ALG13: variants seen among roughly 807,000 people sequenced by gnomAD.
ALG13 encodes the protein UDP-N-acetylglucosamine transferase subunit ALG13.
In ALG13, 11 loss-of-function variants were observed where a neutral mutation model predicts 87.8. That is an observed-to-expected ratio of 0.13 (90% confidence interval 0.08 to 0.21). The LOEUF (loss-of-function observed/expected upper bound fraction) is 0.21, where lower values mean the gene tolerates loss of function less well. ALG13 is among the 10% of genes least tolerant of loss of function. The pLI, the probability that ALG13 is intolerant of heterozygous loss-of-function variation, is 1.00. For missense variants in ALG13, 756 were observed against 866.1 expected, an observed-to-expected ratio of 0.87 and a Z score of 1.60; for synonymous variants, 320 against 306.3, an observed-to-expected ratio of 1.04 and a Z score of -0.47.
chrX:111,737,969 A>G (rs776342877), intron 23 of ALG13, among the ~76,000 whole-genome samples: 94 of 112,516 alleles, frequency 8.4e-4, no homozygotes, highest in Non-Finnish European at 1.5e-3. Context: ...GAAAAGAACA[A>G]AAGAAAAGGA....
At chrX:111,690,358 A>G in intron 3 of ALG13, 1 of 752,869 alleles carries the variant, frequency 1.3e-6, no homozygotes, top group Non-Finnish European at 1.6e-6. Flanking sequence ...GGATAGATTA[A>G]GAGGTAGACA....
intron 3 of ALG13, chrX:111,690,079 A>G: frequency 1.3e-6 from 1 of 740,804 alleles, no homozygotes; most frequent in Non-Finnish European, 1.6e-6. Flanking sequence ...TTTAAAGAAT[A>G]TTTTAAACCA....
chrX:111,727,495 G>C, intron 17 of ALG13, 50 bp downstream of exon 17: 2 of 1,106,654 alleles, frequency 1.8e-6, no homozygotes, highest in Non-Finnish European at 1.2e-6. Context: ...TGATTTCATT[G>C]CTGAACATTA....
chrX:111,755,878 A>C (rs1454937234), intron 25 of ALG13, among the ~76,000 whole-genome samples: 1 of 112,525 alleles, frequency 8.9e-6, no homozygotes, highest in Non-Finnish European at 1.9e-5. Flanking sequence ...AAGGATCTAG[A>C]ATGAGGAATA....
chrX:111,697,310 A>T (rs1188219110), intron 3 of ALG13, among the ~76,000 whole-genome samples: 1 of 111,871 alleles, frequency 8.9e-6, no homozygotes, highest in Non-Finnish European at 1.9e-5. Flanking sequence ...ATAGGATTAT[A>T]ATATGCAAAG....
chrX:111,732,758 A>G (rs1017447575), intron 21 of ALG13, among the ~76,000 whole-genome samples: 1 of 111,891 alleles, frequency 8.9e-6, no homozygotes, highest in Non-Finnish European at 1.9e-5. Context: ...GAAGGAGAAG[A>G]AAACTCTGAT....
chrX:111,743,208 T>A (rs1474931109), intron 23 of ALG13, among the ~76,000 whole-genome samples: 4 of 111,484 alleles, frequency 3.6e-5, no homozygotes, highest in Non-Finnish European at 3.8e-5. Context: ...TGCTTTTTTT[T>A]AAAAAAATGG....
chrX:111,706,059 CTTT>C (rs1289509847), intron 3 of ALG13, among the ~76,000 whole-genome samples: 1 of 105,149 alleles, frequency 9.5e-6, no homozygotes, highest in African/African-American at 3.4e-5. Flanking sequence ...ATTATAATCC[CTTT>C]TTTTTTTTTT....
intron 25 of ALG13, among the ~76,000 whole-genome samples, chrX:111,753,618 A>G (rs1208779437): frequency 8.9e-6 from 1 of 111,858 alleles, no homozygotes; most frequent in African/African-American, 3.2e-5. Flanking sequence ...CAGAAATACA[A>G]ACTGCCATCA....
At chrX:111,752,717 G>C (rs1001698068) in intron 24 of ALG13, 73 bp from the exon 25 acceptor site, 2 of 817,525 alleles carry the variant, frequency 2.4e-6, no homozygotes, top group Non-Finnish European at 3.5e-6. Flanking sequence ...TGCCCAGCCA[G>C]AAAAGCTTTT....
At chrX:111,725,163 T>C (rs1941840320) in intron 15 of ALG13, 102 bp downstream of exon 15, 8 of 976,187 alleles carry the variant, frequency 8.2e-6, no homozygotes, top group Middle Eastern at 2.8e-4. Flanking sequence ...TGTCTTGTTG[T>C]AGGGTAGGGT....
At position 111,718,232 on chromosome X, in the gene ALG13, G is replaced by A; in HGVS notation, c.1208G>A (p.Ser403Asn). 8.4e-7 allele frequency: 1 copy of A among 1,194,705 alleles called. No individual in the cohort carries two copies. The highest frequency in any genetic ancestry group is 1.8e-5 in the South Asian group (1 of 54,319). The change falls in exon 10 of 27, where the codon AGC becomes AAC. Residue 403 changes from serine to asparagine, a missense_variant. Ser to Asn is a conservative substitution (Grantham distance 46, BLOSUM62 1). Transcript: ENST00000394780. Reference sequence around the variant, plus strand: ...AACAGAAATAATGCTGTAACTGGAAGCGAGGATGCCCATACTGATTACAAG... The same window carrying A: ...AACAGAAATAATGCTGTAACTGGAAACGAGGATGCCCATACTGATTACAAG... Reference protein sequence around the residue: ...KKNRNNAVTGSEDAHTDYKSS... With the variant: ...KKNRNNAVTGNEDAHTDYKSS...
intron 24 of ALG13, among the ~76,000 whole-genome samples, chrX:111,748,835 C>T (rs1334718596): frequency 9.0e-6 from 1 of 111,428 alleles, no homozygotes; most frequent in Admixed American, 9.6e-5. Flanking sequence ...GTAATCCTAA[C>T]ACTTTCGGAA....
chrX:111,727,189 C>T, intron 16 of ALG13, 134 bp downstream of exon 16: 1 of 910,942 alleles, frequency 1.1e-6, no homozygotes, highest in South Asian at 2.4e-5. Flanking sequence ...TAATAGTTAG[C>T]CCTAATGCCA....
At chrX:111,757,428 G>C in intron 25 of ALG13, 160 bp from the exon 26 acceptor site, 1 of 380,398 alleles carries the variant, frequency 2.6e-6, no homozygotes, top group East Asian at 4.2e-5. Flanking sequence ...ATAGAGAACA[G>C]ACTGTCAAGT....
chrX:111,750,816 C>T (rs1338158749), intron 24 of ALG13, among the ~76,000 whole-genome samples: 2 of 107,807 alleles, frequency 1.9e-5, no homozygotes, highest in African/African-American at 6.8e-5. Context: ...TACAGGCACC[C>T]GCCACCATGC....
At chrX:111,694,774 A>T (rs999893169) in intron 3 of ALG13, among the ~76,000 whole-genome samples, 2 of 111,620 alleles carry the variant, frequency 1.8e-5, no homozygotes, top group Non-Finnish European at 3.8e-5. Context: ...GGGATAATAC[A>T]CTCCCCATAT....
intron 25 of ALG13, among the ~76,000 whole-genome samples, chrX:111,754,731 C>T (rs1021439200): frequency 1.8e-5 from 2 of 111,343 alleles, no homozygotes; most frequent in Non-Finnish European, 3.8e-5. Flanking sequence ...TGTGAAGGAC[C>T]TCTTCAAGGA....
intron 3 of ALG13, among the ~76,000 whole-genome samples, chrX:111,706,949 A>G (rs1938877462): frequency 9.1e-6 from 1 of 110,027 alleles, no homozygotes. Flanking sequence ...AGGAAAAAAC[A>G]ATTTTGAAAG....
Sources: allele counts gnomAD v4.1 joint callset (sites outside exome capture counted in the v4.1 genomes callset), GRCh38; gene constraint gnomAD v4.1.1; transcripts MANE v1.5; gene names NCBI Gene and HGNC (gene_info 2026-07-23, HGNC 2026-07-21).